Variants in JMY observed in about 807,000 individuals in gnomAD.
JMY encodes the protein junction mediating and regulatory protein, p53 cofactor.
Under a neutral mutation model 103.3 loss-of-function variants are expected in JMY, and 46 were observed. That is an observed-to-expected ratio of 0.45 (90% CI 0.35 to 0.57). The LOEUF (loss-of-function observed/expected upper bound fraction) is 0.57, where lower values mean the gene tolerates loss of function less well. Among genes scored for constraint, JMY ranks in the 20% least tolerant of loss-of-function variants. The probability of loss-of-function intolerance (pLI) is 0.00; values close to 1 mark genes in which losing one functional copy is unlikely to be tolerated. For missense variants in JMY, 1,238 were observed against 1,255.2 expected (o/e 0.99, Z 0.21); for synonymous variants, 526 against 489.3 (o/e 1.07, Z -0.99).
Position 79,326,189 on chromosome 5 carries a change from T to C in JMY, c.*4587T>C, listed in dbSNP as rs985448159. ...GTTAGGGGAAAGTTTTGTTTTTTGCTGGTGTTTTTTGTTGTTTTTAATTAG... is the reference window on the plus strand; with the variant it reads ...GTTAGGGGAAAGTTTTGTTTTTTGCCGGTGTTTTTTGTTGTTTTTAATTAG... On this transcript the variant is annotated 3_prime_UTR_variant, in exon 11 of 11. Transcript: ENST00000396137. 6.6e-6 allele frequency: 1 copy of C among 152,164 alleles called. No homozygotes were observed. The highest frequency in any genetic ancestry group is 1.5e-5 in the Non-Finnish European group (1 of 68,000). The allele number at this position is 152,164 out of a possible 1,614,324, so 9.4% of individuals were successfully genotyped here. A position where few individuals can be genotyped will look rare whatever the true frequency, so the allele number is the denominator to read the frequency against.
chr5:79,301,747 G>C (rs2112108449), intron 6 of JMY, among the ~76,000 whole-genome samples: 1 of 152,176 alleles, frequency 6.6e-6, no homozygotes, highest in East Asian at 1.9e-4. Flanking sequence ...TGCTGTGTCA[G>C]CCCTGGTTGT....
In JMY at chr5:79,300,263, G is replaced by T. The variant is rs1160204196; in HGVS notation, c.1638G>T (p.Lys546Asn). The change falls in exon 5 of 11, where the codon AAG becomes AAT. Residue 546 changes from lysine to asparagine, a missense_variant. Transcript: ENST00000396137. ...QLYEVQFEILKCEELLLTAQL... is the reference protein window; with the variant it reads ...QLYEVQFEILNCEELLLTAQL... ...ATGAAGTACAGTTTGAAATCTTGAA[G>T]TGTGAAGAGTTACTATTGACAGCGC... 1 of 1,600,244 alleles carries T rather than the reference G, an allele frequency of 6.2e-7. No homozygotes were observed. The highest frequency in any genetic ancestry group is 1.4e-5 in the African/African-American group (1 of 73,894).
chr5:79,258,929 T>G (rs1327730429), intron 1 of JMY, among the ~76,000 whole-genome samples: 1 of 152,166 alleles, frequency 6.6e-6, no homozygotes, highest in Non-Finnish European at 1.5e-5. Flanking sequence ...TGAGTTCTTG[T>G]CCTGCATCCA....
rs920204780 is a variant in JMY at position 79,322,817 on chromosome 5, T to G, written c.*1215T>G. 2 of 152,212 alleles carry G rather than the reference T, an allele frequency of 1.3e-5. No homozygotes were observed. Among genetic ancestry groups the G allele is most frequent in the Non-Finnish European group, 2.9e-5 (2 of 68,038 alleles). 9.4% of individuals were successfully genotyped at this position (152,212 alleles called of 1,614,324 possible). ...GTGTGCAGTACCCTGTACATATAAT[T>G]CTGCATAAGACAGATCTTGGCCTTT... is the stretch of plus-strand genomic sequence containing the variant. On this transcript the variant is annotated 3_prime_UTR_variant, in exon 11 of 11. Transcript: ENST00000396137.
intron 1 of JMY, among the ~76,000 whole-genome samples, chr5:79,249,124 A>G (rs904965944): frequency 3.3e-5 from 5 of 150,032 alleles, no homozygotes; most frequent in African/African-American, 1.2e-4. Context: ...TGAAAAGTTT[A>G]TGAAAAGTAG....
At chr5:79,261,573 A>T (rs1745423843) in intron 1 of JMY, among the ~76,000 whole-genome samples, 1 of 152,106 alleles carries the variant, frequency 6.6e-6, no homozygotes, top group Non-Finnish European at 1.5e-5. Context: ...AATAAAGTGC[A>T]GATTCACTGG....
At chr5:79,273,544 G>A (rs1745846147) in intron 1 of JMY, among the ~76,000 whole-genome samples, 1 of 152,188 alleles carries the variant, frequency 6.6e-6, no homozygotes, top group South Asian at 2.1e-4. Context: ...TCTTGCATGT[G>A]TAGATTTATG....
chr5:79,295,012 T>C (rs780148719), intron 4 of JMY, among the ~76,000 whole-genome samples: 1 of 152,222 alleles, frequency 6.6e-6, no homozygotes, highest in Non-Finnish European at 1.5e-5. Flanking sequence ...TAGCTACTTA[T>C]TTTTGTCTTT....
chr5:79,280,243 T>C (rs1447171069), intron 2 of JMY, among the ~76,000 whole-genome samples: 1 of 152,348 alleles, frequency 6.6e-6, no homozygotes, highest in East Asian at 1.9e-4. Flanking sequence ...CCACCTACTT[T>C]AGACTGCTGC....
intron 1 of JMY, among the ~76,000 whole-genome samples, chr5:79,240,888 G>C (rs1360071348): frequency 1.3e-5 from 2 of 152,170 alleles, no homozygotes; most frequent in African/African-American, 4.8e-5. Flanking sequence ...TGCCATGTTT[G>C]TGTTATTCTA....
At chr5:79,247,922 T>C (rs1744955923) in intron 1 of JMY, among the ~76,000 whole-genome samples, 1 of 151,916 alleles carries the variant, frequency 6.6e-6, no homozygotes, top group African/African-American at 2.4e-5. Flanking sequence ...AGACAGAGTC[T>C]CGTTCTGCTG....
At chr5:79,285,066 CA>C in intron 2 of JMY, 2 of 571,062 alleles carry the variant, frequency 3.5e-6, no homozygotes, top group Non-Finnish European at 3.1e-6. Flanking sequence ...CAACCATAAG[CA>C]CTTCAGACAG....
chr5:79,273,050 C>T (rs986585582), intron 1 of JMY, among the ~76,000 whole-genome samples: 7 of 152,086 alleles, frequency 4.6e-5, no homozygotes, highest in South Asian at 2.1e-4. Flanking sequence ...TCAGTACAGT[C>T]GTATGATTTT....
chr5:79,325,956 T>G lies in JMY; in HGVS notation c.*4354T>G, dbSNP rs1463842157. On this transcript the variant is annotated 3_prime_UTR_variant, in exon 11 of 11. Transcript: ENST00000396137. Reference sequence around the variant, plus strand: ...TCTTAAGATGTGTTTATTGTAAAGTTTTCTACGTTTTGCCCACAGTAAATG... The same window carrying G: ...TCTTAAGATGTGTTTATTGTAAAGTGTTCTACGTTTTGCCCACAGTAAATG... The G allele has an allele frequency of 2.0e-5, 3 of 152,176 alleles. No individual in the cohort carries two copies. The highest frequency in any genetic ancestry group is 4.4e-5 in the Non-Finnish European group (3 of 68,004). 9.4% of individuals were successfully genotyped at this position (152,176 alleles called of 1,614,324 possible).
chr5:79,258,318 T>TG (rs1386365216), intron 1 of JMY, among the ~76,000 whole-genome samples: 101 of 148,912 alleles, frequency 6.8e-4, no homozygotes, highest in South Asian at 3.7e-3. Flanking sequence ...TTTGTTGTTT[T>TG]TTTTTTTTTT....
chr5:79,293,393 CT>C (rs1204218599), intron 4 of JMY, among the ~76,000 whole-genome samples: 1 of 61,756 alleles, frequency 1.6e-5, no homozygotes, highest in Non-Finnish European at 3.1e-5. Flanking sequence ...AACTTTTTAA[CT>C]TTTTTTAACT....
intron 2 of JMY, among the ~76,000 whole-genome samples, chr5:79,282,965 G>A (rs780943774): frequency 2.7e-5 from 4 of 149,842 alleles, no homozygotes; most frequent in Non-Finnish European, 4.4e-5. Context: ...ATATCAAACC[G>A]GTTATTTCAA....
intron 1 of JMY, among the ~76,000 whole-genome samples, chr5:79,269,101 A>G (rs745733665): frequency 6.6e-6 from 1 of 152,096 alleles, no homozygotes; most frequent in Non-Finnish European, 1.5e-5. Context: ...CTTCCATGTT[A>G]TCTTCTAGAA....
intron 4 of JMY, among the ~76,000 whole-genome samples, chr5:79,298,236 T>G (rs79416146): frequency 4.9e-4 from 75 of 152,294 alleles, no homozygotes; most frequent in South Asian, 1.5e-3. Context: ...AATCTTAGAT[T>G]AAGGTTTTTA....
Sources: gnomAD v4.1 joint callset for allele counts (sites outside exome capture counted in the v4.1 genomes callset) on GRCh38, gnomAD v4.1.1 for gene constraint, MANE v1.5 for transcripts, NCBI Gene and HGNC (gene_info 2026-07-23, HGNC 2026-07-21) for gene names.